MATR3: variants seen among roughly 807,000 people sequenced by gnomAD.
The protein encoded by MATR3 is matrin 3.
Under a neutral mutation model 85.5 loss-of-function variants are expected in MATR3, and 4 were observed. That is an observed-to-expected ratio of 0.05 (90% CI 0.02 to 0.11). MATR3 has a LOEUF of 0.11. Among genes scored for constraint, MATR3 ranks in the 10% least tolerant of loss-of-function variants. MATR3 has a pLI of 1.00. For missense variants in MATR3, 685 were observed against 1,016.1 expected (o/e 0.67, Z 4.43); for synonymous variants, 336 against 343.1 (o/e 0.98, Z 0.23).
chr5:139,310,860 GGTGCGATCT>G, intron 2 of MATR3: 1 of 151,556 alleles, frequency 6.6e-6, no homozygotes, highest in Admixed American at 6.6e-5. Context: ...TGAGTGCAAT[GGTGCGATCT>G]CGGCTCACCG....
upstream of MATR3, among the ~76,000 whole-genome samples, chr5:139,291,050 G>T (rs781165366): frequency 6.6e-6 from 1 of 152,096 alleles, no homozygotes; most frequent in East Asian, 1.9e-4. Flanking sequence ...AACCCGGGAC[G>T]CAGAGGTTGC....
chr5:139,275,142 A>ATTTTTTTTTTTTTTTT (rs750841386), intron 1 of MATR3, among the ~76,000 whole-genome samples: 2 of 40,890 alleles, frequency 4.9e-5, no homozygotes, highest in Non-Finnish European at 9.0e-5. Context: ...CGCCCGGCTA[A>ATTTTTTTTTTTTTTTT]TTTTTTTTTT....
At chr5:139,279,229 C>T (rs1753419892) in intron 3 of MATR3, 20 of 447,766 alleles carry the variant, frequency 4.5e-5, no homozygotes, top group South Asian at 3.0e-4. Context: ...TGTAGAGTAT[C>T]AGACTTTTTT....
chr5:139,276,248 G>T, intron 2 of MATR3: 1 of 455,424 alleles, frequency 2.2e-6, no homozygotes, highest in Non-Finnish European at 4.4e-6. Flanking sequence ...GAGAACAGCA[G>T]CCAATAGCTG....
Position 139,329,866 on chromosome 5 carries a change from T to C in MATR3, c.*471T>C. ...GGAGTTTGAACCCGTTTTGGTTGCA[T>C]TTCATTTTTGGAGAACTTAATTAAC... On this transcript the variant is annotated 3_prime_UTR_variant, in exon 15 of 15. Transcript: ENST00000394805. 2.2e-6 allele frequency: 1 copy of C among 454,590 alleles called. No homozygotes were observed. Among genetic ancestry groups the C allele is most frequent in the Non-Finnish European group, 4.4e-6 (1 of 226,798 alleles). 28.2% of individuals were successfully genotyped at this position (454,590 alleles called of 1,614,324 possible).
intron 3 of MATR3, among the ~76,000 whole-genome samples, chr5:139,287,492 A>G (rs1753741838): frequency 6.6e-6 from 1 of 152,084 alleles, no homozygotes; most frequent in Admixed American, 6.5e-5. Context: ...GTTGGCGCGC[A>G]CCTGTAATCC....
Position 139,322,985 on chromosome 5 carries a change from G to A in MATR3, c.2148+18G>A. ...TTAAAAAGGTAAAGAAAGATACATT[G>A]ATTTGTTTTAATAGAACATTAGATC... On this transcript the variant is annotated intron_variant, in intron 12 of 14. Coordinates refer to ENST00000394805, the MANE Select transcript of MATR3 (RefSeq NM_018834.6). The A allele has an allele frequency of 6.5e-7, 1 of 1,545,970 alleles. No individual in the cohort carries two copies. The highest frequency in any genetic ancestry group is 8.9e-7 in the Non-Finnish European group (1 of 1,127,862).
intron 1 of MATR3, among the ~76,000 whole-genome samples, chr5:139,274,789 G>C (rs1476759056): frequency 1.3e-5 from 2 of 151,702 alleles, no homozygotes; most frequent in Non-Finnish European, 2.9e-5. Flanking sequence ...ACAAAACTTA[G>C]CTGGGCGTGG....
upstream of MATR3, among the ~76,000 whole-genome samples, chr5:139,288,747 TCTC>T (rs1057108217): frequency 8.5e-4 from 130 of 152,216 alleles, no homozygotes; most frequent in African/African-American, 3.0e-3. Flanking sequence ...TTCACGCCAT[TCTC>T]CTGCCTCAAC....
intron 3 of MATR3, 128 bp downstream of exon 3, chr5:139,314,864 C>A: frequency 1.3e-6 from 1 of 783,354 alleles, no homozygotes; most frequent in Non-Finnish European, 2.2e-6. Context: ...ACTGTATGGA[C>A]AATACTATTT....
At chr5:139,289,463 T>A (rs925776776), upstream of MATR3, among the ~76,000 whole-genome samples, 1 of 152,164 alleles carries the variant, frequency 6.6e-6, no homozygotes, top group Non-Finnish European at 1.5e-5. Context: ...TGATAAAAAA[T>A]ACATAAATAT....
intron 12 of MATR3, among the ~76,000 whole-genome samples, chr5:139,324,826 T>C (rs1457872189): frequency 6.6e-6 from 1 of 152,210 alleles, no homozygotes; most frequent in Non-Finnish European, 1.5e-5. Context: ...TAAAATAAGC[T>C]AAATTATTTT....
chr5:139,323,245 T>C (rs1170928388), intron 12 of MATR3, among the ~76,000 whole-genome samples: 1 of 152,032 alleles, frequency 6.6e-6, no homozygotes, highest in African/African-American at 2.4e-5. Context: ...ATTGTAGTGG[T>C]GTAGTGGTAG....
intron 2 of MATR3, among the ~76,000 whole-genome samples, chr5:139,309,668 A>T (rs1051267371): frequency 4.6e-5 from 7 of 152,068 alleles, no homozygotes; most frequent in Admixed American, 2.0e-4. Flanking sequence ...ACAACCCCAG[A>T]CTCACAAAAG....
intron 2 of MATR3, among the ~76,000 whole-genome samples, chr5:139,309,531 C>T (rs924494536): frequency 1.3e-5 from 2 of 151,892 alleles, no homozygotes; most frequent in Admixed American, 6.6e-5. Flanking sequence ...CCAGTCACTC[C>T]CTTTCCTTGT....
At chr5:139,303,476 A>G (rs543697908) in intron 1 of MATR3, among the ~76,000 whole-genome samples, 6 of 152,238 alleles carry the variant, frequency 3.9e-5, no homozygotes, top group Non-Finnish European at 7.4e-5. Context: ...AGTAGTAGAT[A>G]CCTCTTAGCA....
chr5:139,277,731 A>G (rs1753340174), intron 2 of MATR3, among the ~76,000 whole-genome samples: 1 of 149,828 alleles, frequency 6.7e-6, no homozygotes, highest in South Asian at 2.1e-4. Context: ...AAACATTCAA[A>G]TTCATGGGAA....
chr5:139,320,381 G>A (rs1176686781), intron 9 of MATR3, among the ~76,000 whole-genome samples: 2 of 152,160 alleles, frequency 1.3e-5, no homozygotes, highest in African/African-American at 4.8e-5. Context: ...GGAGGCTGAG[G>A]CCAGAGTTGC....
chr5:139,278,972 A>G (rs750071501), intron 2 of MATR3: 1 of 516,406 alleles, frequency 1.9e-6, no homozygotes, highest in Non-Finnish European at 3.9e-6. Context: ...GTCTGGGTGC[A>G]AACAATTTTT....
Sources: allele counts gnomAD v4.1 joint callset (sites outside exome capture counted in the v4.1 genomes callset), GRCh38; gene constraint gnomAD v4.1.1; transcripts MANE v1.5; gene names NCBI Gene and HGNC (gene_info 2026-07-23, HGNC 2026-07-21).